RSU1: variants seen among roughly 807,000 people sequenced by gnomAD.
RSU1 encodes the protein rsu-1.
RSU1 carries 26 observed loss-of-function variants against 31.1 expected under a neutral mutation model. The observed-to-expected ratio is 0.84, with a 90% CI of 0.61 to 1.16. The LOEUF (loss-of-function observed/expected upper bound fraction) is 1.16. RSU1 is among the 50% of genes most tolerant of loss of function. The pLI is 0.00. For synonymous variants in RSU1, 164 were observed against 136.3 expected (o/e 1.20, Z -1.41); for missense variants, 320 against 339.1 (o/e 0.94, Z 0.44).
chr10:16,730,813 T>C (rs1471367036), intron 7 of RSU1, among the ~76,000 whole-genome samples: 1 of 152,180 alleles, frequency 6.6e-6, no homozygotes, highest in Admixed American at 6.5e-5. Context: ...GGAATCACAC[T>C]GTAAAGCAAT....
chr10:16,607,454 G>T (rs965389388), intron 8 of RSU1, among the ~76,000 whole-genome samples: 1 of 152,244 alleles, frequency 6.6e-6, no homozygotes, highest in Non-Finnish European at 1.5e-5. Flanking sequence ...GCAGAGAATG[G>T]TGAATTGGAA....
intron 7 of RSU1, chr10:16,726,919 C>T (rs1284774456): frequency 2.6e-6 from 1 of 390,782 alleles, no homozygotes; most frequent in Non-Finnish European, 5.2e-6. Context: ...AAGGGCGTTG[C>T]ATATGGTTTG....
At chr10:16,611,424 T>A (rs1833889978) in intron 8 of RSU1, among the ~76,000 whole-genome samples, 1 of 152,188 alleles carries the variant, frequency 6.6e-6, no homozygotes, top group Non-Finnish European at 1.5e-5. Flanking sequence ...TTGAGGAATT[T>A]TTTTCCCATA....
At chr10:16,747,414 G>A (rs571690382) in intron 7 of RSU1, among the ~76,000 whole-genome samples, 51 of 152,090 alleles carry the variant, frequency 3.4e-4, no homozygotes, top group Non-Finnish European at 4.6e-4. Context: ...AGGTCAGGAT[G>A]ACCTCCTCTC....
At chr10:16,598,387 T>TAA (rs113857797) in intron 8 of RSU1, among the ~76,000 whole-genome samples, 2,329 of 143,190 alleles carry the variant, frequency 0.016, 76 homozygotes, top group African/African-American at 0.055. Context: ...AAAAGTAAAG[T>TAA]AAAAAAAAAA....
At chr10:16,728,851 A>C (rs541179323) in intron 7 of RSU1, among the ~76,000 whole-genome samples, 2 of 152,344 alleles carry the variant, frequency 1.3e-5, no homozygotes, top group East Asian at 3.9e-4. Flanking sequence ...GAATGCAGGC[A>C]CTCACTAGAA....
chr10:16,753,122 C>G (rs1272617365), intron 5 of RSU1, 122 bp from the exon 6 acceptor site: 4 of 649,800 alleles, frequency 6.2e-6, no homozygotes, highest in African/African-American at 5.5e-5. Flanking sequence ...CTTTGACATA[C>G]CTAGGGCTCC....
chr10:16,724,315 G>T (rs2131593853), intron 7 of RSU1, among the ~76,000 whole-genome samples: 1 of 152,274 alleles, frequency 6.6e-6, no homozygotes, highest in East Asian at 1.9e-4. Context: ...TACTGTGAAA[G>T]AGAAAAGAAT....
chr10:16,598,964 G>A (rs1399278266), intron 8 of RSU1, among the ~76,000 whole-genome samples: 2 of 152,176 alleles, frequency 1.3e-5, no homozygotes, highest in African/African-American at 2.4e-5. Context: ...ACGCAGAGAG[G>A]CAAGGTGTGT....
chr10:16,636,418 C>T (rs1470349394), intron 8 of RSU1, among the ~76,000 whole-genome samples: 1 of 152,174 alleles, frequency 6.6e-6, no homozygotes, highest in African/African-American at 2.4e-5. Flanking sequence ...GTCCCTCTCC[C>T]GCTTCGAATA....
chr10:16,645,463 G>A (rs1386448860), intron 8 of RSU1, among the ~76,000 whole-genome samples: 1 of 152,060 alleles, frequency 6.6e-6, no homozygotes. Flanking sequence ...TTTCTTTCAT[G>A]TATGCAACAG....
chr10:16,753,130 T>G (rs1225797409), intron 5 of RSU1, 130 bp from the exon 6 acceptor site: 3 of 632,368 alleles, frequency 4.7e-6, no homozygotes, highest in African/African-American at 1.8e-5. Flanking sequence ...TACCTAGGGC[T>G]CCCAATAATA....
intron 8 of RSU1, among the ~76,000 whole-genome samples, chr10:16,662,261 T>A (rs1025627822): frequency 6.6e-6 from 1 of 152,238 alleles, no homozygotes; most frequent in African/African-American, 2.4e-5. Context: ...ACAGATTATT[T>A]TACTTCATGT....
At chr10:16,795,456 A>G (rs755371464) in intron 2 of RSU1, among the ~76,000 whole-genome samples, 3 of 152,180 alleles carry the variant, frequency 2.0e-5, no homozygotes, top group African/African-American at 4.8e-5. Flanking sequence ...AGTTCTAAGA[A>G]CTTTATCAAT....
chr10:16,695,176 A>AAC, intron 7 of RSU1, 21 bp from the exon 8 acceptor site: 2 of 1,578,520 alleles, frequency 1.3e-6, no homozygotes, highest in South Asian at 2.2e-5. Flanking sequence ...GGAAAAAAAA[A>AAC]GTGAAGGTCA....
intron 7 of RSU1, among the ~76,000 whole-genome samples, chr10:16,738,856 C>T (rs1024540182): frequency 2.7e-5 from 4 of 147,348 alleles, no homozygotes; most frequent in Non-Finnish European, 4.5e-5. Flanking sequence ...CTCTCCCTCT[C>T]CTTGCCCCCC....
intron 8 of RSU1, among the ~76,000 whole-genome samples, chr10:16,600,039 G>A (rs1233837029): frequency 1.3e-5 from 2 of 151,640 alleles, no homozygotes; most frequent in African/African-American, 4.9e-5. Flanking sequence ...GGAGAATTGG[G>A]AGATGATTAA....
chr10:16,665,422 C>T (rs1236869748), intron 8 of RSU1, among the ~76,000 whole-genome samples: 1 of 152,170 alleles, frequency 6.6e-6, no homozygotes, highest in Non-Finnish European at 1.5e-5. Context: ...ACTCCAGAAC[C>T]CACCACCCAA....
At chr10:16,701,206 CAAATT>C (rs1378739397) in intron 7 of RSU1, among the ~76,000 whole-genome samples, 8 of 152,276 alleles carry the variant, frequency 5.3e-5, no homozygotes, top group East Asian at 3.9e-4. Context: ...TGGTCAAAAA[CAAATT>C]AAAAGCACAT....
Sources: allele counts gnomAD v4.1 joint callset (sites outside exome capture counted in the v4.1 genomes callset), GRCh38; gene constraint gnomAD v4.1.1; transcripts MANE v1.5; gene names NCBI Gene and HGNC (gene_info 2026-07-23, HGNC 2026-07-21).